Variants in NCAM1 observed in about 807,000 individuals in gnomAD.
NCAM1 encodes the protein neural cell adhesion molecule 1.
Under a neutral mutation model 109.8 loss-of-function variants are expected in NCAM1, and 14 were observed. The ratio of observed to expected loss-of-function variants is 0.13; its 90% CI spans 0.08 to 0.20. The LOEUF (loss-of-function observed/expected upper bound fraction) is 0.20. NCAM1 is among the 10% of genes least tolerant of loss of function. The probability of loss-of-function intolerance (pLI) is 1.00; values close to 1 mark genes in which losing one functional copy is unlikely to be tolerated. For missense variants in NCAM1, 774 were observed against 1,109.9 expected, an observed-to-expected ratio of 0.70 and a Z score of 4.30; for synonymous variants, 418 against 442.9, an observed-to-expected ratio of 0.94 and a Z score of 0.70.
chr11:113,216,415 G>C (rs1944534907), intron 8 of NCAM1, among the ~76,000 whole-genome samples: 1 of 152,052 alleles, frequency 6.6e-6, no homozygotes, highest in Admixed American at 6.5e-5. Context: ...GCCTCCCAAA[G>C]TGCTGGGATT....
chr11:113,231,718 C>T lies in NCAM1; in HGVS notation c.1163C>T (p.Thr388Ile). The T allele has an allele frequency of 6.2e-7, 1 of 1,613,890 alleles. No individual in the cohort carries two copies. Among genetic ancestry groups the T allele is most frequent in the Non-Finnish European group, 8.5e-7 (1 of 1,179,826 alleles). Residue 388 changes from threonine to isoleucine, a missense_variant, in exon 10 of 20, where the codon ACT (threonine) becomes ATT (isoleucine). By Grantham distance (89) the Thr-to-Ile change is moderately conservative. Transcript: ENST00000316851. ...CTGACCCTGAAGAGCATCCAGTACA[C>T]TGATGCCGGAGAGTACATCTGCACC... ...SSLTLKSIQY[T>I]DAGEYICTAS...
At chr11:113,192,804 A>G (rs142406151) in intron 1 of NCAM1, among the ~76,000 whole-genome samples, 1,888 of 152,288 alleles carry the variant, frequency 0.012, 17 homozygotes, top group South Asian at 0.031. Context: ...TTTCCTACCT[A>G]TAAAATGAAC....
intron 1 of NCAM1, among the ~76,000 whole-genome samples, chr11:112,992,690 G>A (rs1555070759): frequency 2.0e-5 from 3 of 151,812 alleles, no homozygotes; most frequent in Admixed American, 2.0e-4. Flanking sequence ...TGTATTTTTA[G>A]TAGAGACGGG....
chr11:113,073,905 T>G (rs1012979885), intron 1 of NCAM1, among the ~76,000 whole-genome samples: 6 of 152,312 alleles, frequency 3.9e-5, no homozygotes, highest in African/African-American at 1.2e-4. Context: ...AAAATGTTCT[T>G]GTAAAGCATC....
chr11:113,239,091 C>T (rs1241725875), intron 14 of NCAM1, among the ~76,000 whole-genome samples: 1 of 152,186 alleles, frequency 6.6e-6, no homozygotes, highest in East Asian at 1.9e-4. Flanking sequence ...GCCACAAACA[C>T]TTAATGGACT....
At chr11:113,275,188 T>C in intron 19 of NCAM1, 79 bp from the exon 20 acceptor site, 1 of 1,570,242 alleles carries the variant, frequency 6.4e-7, no homozygotes, top group Non-Finnish European at 8.7e-7. Flanking sequence ...TCCTCCCTGC[T>C]GTCCCCAAGG....
chr11:113,136,434 C>T lies in NCAM1; in HGVS notation c.53-65945C>T, dbSNP rs560632177. ...ACACTCTCCAGAGGGCTCTCCTTCG[C>T]ATGGTGCAGGAGCAAGGCCCCCCAG... On this transcript the variant is annotated intron_variant, in intron 1 of 19. Transcript: ENST00000316851. Among the ~76,000 whole-genome samples, 199 of 152,268 alleles carry T rather than the reference C, an allele frequency of 1.3e-3. 1 individual carries two copies. Among genetic ancestry groups the T allele is most frequent in the Non-Finnish European group, 2.1e-3 (146 of 68,022 alleles).
chr11:113,114,238 G>A (rs782411868), intron 1 of NCAM1, among the ~76,000 whole-genome samples: 31 of 152,312 alleles, frequency 2.0e-4, no homozygotes, highest in Non-Finnish European at 2.8e-4. Flanking sequence ...TTTCCCCGGA[G>A]TCAGAGACAC....
intron 17 of NCAM1, chr11:113,269,461 A>C (rs1417860487): frequency 6.6e-6 from 1 of 152,288 alleles, no homozygotes. Context: ...GGTTTTCCTG[A>C]AGTCTGGTCC....
chr11:113,014,325 C>T (rs1436470273), intron 1 of NCAM1, among the ~76,000 whole-genome samples: 1 of 152,086 alleles, frequency 6.6e-6, no homozygotes, highest in East Asian at 1.9e-4. Context: ...AGCATTTTCT[C>T]CAAGCAGATG....
intron 14 of NCAM1, chr11:113,240,664 C>T (rs550775297): frequency 1.1e-6 from 1 of 890,672 alleles, no homozygotes; most frequent in Non-Finnish European, 1.9e-6. Flanking sequence ...TTGTTCTTCC[C>T]ACTTTAACTC....
chr11:113,155,789 C>T (rs1555103369), intron 1 of NCAM1, among the ~76,000 whole-genome samples: 1 of 152,086 alleles, frequency 6.6e-6, no homozygotes, highest in East Asian at 1.9e-4. Context: ...CCCTCTGCTC[C>T]TTGAGTGTCT....
Position 112,961,520 on chromosome 11 carries a change from G to C in NCAM1, c.-93G>C, listed in dbSNP as rs781802202. The C allele has an allele frequency of 2.1e-5, 18 of 846,526 alleles. No individual in the cohort carries two copies. The highest frequency in any genetic ancestry group is 3.3e-5 in the Non-Finnish European group (16 of 478,924). The allele number at this position is 846,526 out of a possible 1,614,324, so 52.4% of individuals were successfully genotyped here. A position where few individuals can be genotyped will look rare whatever the true frequency, so the allele number is the denominator to read the frequency against. On this transcript the variant is annotated 5_prime_UTR_variant, in exon 1 of 20. Coordinates refer to ENST00000316851, the MANE Select transcript of NCAM1 (RefSeq NM_181351.5). ...TCAGCCTGGCAATTGTCTGCCCCTAGGTCTGTCGCTCAGCCGCCGTCCACA... is the reference window on the plus strand; with the variant it reads ...TCAGCCTGGCAATTGTCTGCCCCTACGTCTGTCGCTCAGCCGCCGTCCACA...
intron 1 of NCAM1, among the ~76,000 whole-genome samples, chr11:113,154,531 A>G (rs1331289438): frequency 6.6e-6 from 1 of 152,224 alleles, no homozygotes; most frequent in Non-Finnish European, 1.5e-5. Context: ...TACAAAATGC[A>G]ATGAATGGCA....
At chr11:113,229,157 T>C (rs1186483273) in intron 9 of NCAM1, among the ~76,000 whole-genome samples, 2 of 152,114 alleles carry the variant, frequency 1.3e-5, no homozygotes, top group African/African-American at 2.4e-5. Flanking sequence ...ACCTACAGAA[T>C]GGGAGAAAAT....
intron 1 of NCAM1, among the ~76,000 whole-genome samples, chr11:113,130,154 G>A (rs1941332367): frequency 6.6e-6 from 1 of 152,138 alleles, no homozygotes; most frequent in Admixed American, 6.5e-5. Context: ...TTATAAATTT[G>A]AAGCCTCGTT....
intron 1 of NCAM1, among the ~76,000 whole-genome samples, chr11:113,200,802 T>C (rs1218079531): frequency 6.6e-6 from 1 of 152,200 alleles, no homozygotes; most frequent in African/African-American, 2.4e-5. Context: ...AGCACAGCTC[T>C]GTGTGCTGCG....
intron 1 of NCAM1, among the ~76,000 whole-genome samples, chr11:113,129,532 C>T (rs1941312423): frequency 6.6e-6 from 1 of 152,106 alleles, no homozygotes; most frequent in Non-Finnish European, 1.5e-5. Context: ...GCTGCTCAGT[C>T]ACAGCTGTGA....
intron 1 of NCAM1, among the ~76,000 whole-genome samples, chr11:113,091,303 C>A (rs531057909): frequency 6.6e-6 from 1 of 152,250 alleles, no homozygotes; most frequent in East Asian, 1.9e-4. Flanking sequence ...CTCCCTGCTC[C>A]CCTGTTTCTG....
Sources: gnomAD v4.1 joint callset for allele counts (sites outside exome capture counted in the v4.1 genomes callset) on GRCh38, gnomAD v4.1.1 for gene constraint, MANE v1.5 for transcripts, NCBI Gene and HGNC (gene_info 2026-07-23, HGNC 2026-07-21) for gene names.